The following EHHADH variants were observed in gnomAD, a reference collection of about 807,000 sequenced individuals.
EHHADH encodes the protein enoyl-CoA hydratase and 3-hydroxyacyl CoA dehydrogenase, also known as peroxisomal bifunctional enzyme.
In EHHADH, 48 loss-of-function variants were observed where a neutral mutation model predicts 64.4. The ratio of observed to expected loss-of-function variants is 0.75; its 90% CI spans 0.59 to 0.95. The LOEUF is 0.95. EHHADH is among the 40% of genes least tolerant of loss of function. EHHADH has a pLI of 0.00. For synonymous variants in EHHADH, 308 were observed against 326.7 expected, an observed-to-expected ratio of 0.94 and a Z score of 0.62; for missense variants, 854 against 876.6, an observed-to-expected ratio of 0.97 and a Z score of 0.33.
chr3:185,210,745 A>G (rs1214442123), intron 5 of EHHADH, among the ~76,000 whole-genome samples: 2 of 152,036 alleles, frequency 1.3e-5, no homozygotes, highest in Non-Finnish European at 2.9e-5. Flanking sequence ...AAGAGCAGAG[A>G]GTGTTGTCCG....
chr3:185,247,295 T>C (rs1719621359), intron 2 of EHHADH, among the ~76,000 whole-genome samples: 1 of 152,168 alleles, frequency 6.6e-6, no homozygotes, highest in African/African-American at 2.4e-5. Flanking sequence ...TTACATTCTC[T>C]CATCTACCTT....
At chr3:185,219,276 G>A (rs990617835) in intron 4 of EHHADH, among the ~76,000 whole-genome samples, 3 of 152,208 alleles carry the variant, frequency 2.0e-5, no homozygotes, top group Non-Finnish European at 4.4e-5. Context: ...AAAGGACACA[G>A]ATGATTAGAC....
chr3:185,204,861 T>C, intron 5 of EHHADH, 104 bp from the exon 6 acceptor site: 1 of 910,230 alleles, frequency 1.1e-6, no homozygotes, highest in Non-Finnish European at 1.6e-6. Context: ...AAGCACAAAC[T>C]AAAAGCTATT....
Position 185,229,511 on chromosome 3 carries a change from T to C in EHHADH, c.384A>G (p.Gly128=). Residue 128 remains glycine, a synonymous_variant, in exon 4 of 7, where the codon GGA becomes GGG. Coordinates refer to ENST00000231887, the MANE Select transcript of EHHADH (RefSeq NM_001966.4). The stretch of plus-strand genomic sequence containing the variant: ...GGGTTCCTCTTGCACCAGGGAGAAG[T>C]CCCAGTGTAACTTCTGGTAAGCCAA... The part of the protein sequence containing the change: ...AQVGLPEVTL[G]LLPGARGTQL... 1.3e-6 allele frequency: 2 copies of C among 1,574,114 alleles called. No homozygotes were observed. The highest frequency in any genetic ancestry group is 1.7e-5 in the Admixed American group (1 of 57,508).
At chr3:185,195,905 C>A (rs1718046692) in intron 6 of EHHADH, among the ~76,000 whole-genome samples, 1 of 152,208 alleles carries the variant, frequency 6.6e-6, no homozygotes, top group African/African-American at 2.4e-5. Context: ...CAAACCTGCA[C>A]ACGTACCCCC....
chr3:185,240,004 C>T lies in EHHADH; in HGVS notation c.179-4542G>A, dbSNP rs573076133. On this transcript the variant is annotated intron_variant, in intron 2 of 6. Transcript: ENST00000231887. The stretch of plus-strand genomic sequence containing the variant: ...ATCATGAAGGGATGTTGGATTTTAC[C>T]AAATGCTTTTTCTGCATCTATTGAG... Among the ~76,000 whole-genome samples the T allele has an allele frequency of 3.3e-5, 5 of 152,024 alleles. No homozygotes were observed. In the South Asian group the frequency reaches 1.0e-3, roughly 32 times the overall value.
rs1233092844 is a variant in EHHADH, at chr3:185,218,185, T to C, written c.519A>G (p.Val173=). ...TTGCTTCTTCAACCGGGTCTGAGTT[T>C]ACAACTTTATCTAGAATGCCCAGCT... The part of the protein sequence containing the change: ...ALKLGILDKV[V]NSDPVEEAIR... Residue 173 remains valine, a synonymous_variant, in exon 5 of 7, where the codon GTA becomes GTG. Transcript: ENST00000231887. 6.2e-7 allele frequency: 1 copy of C among 1,607,892 alleles called. No individual in the cohort carries two copies. Among genetic ancestry groups the C allele is most frequent in the African/African-American group, 1.4e-5 (1 of 73,378 alleles).
rs891613250 is a variant in EHHADH, at chr3:185,190,866, C to A, written c.*1360G>T. On this transcript the variant is annotated 3_prime_UTR_variant, in exon 7 of 7. Coordinates refer to ENST00000231887, the MANE Select transcript of EHHADH (RefSeq NM_001966.4). ...CACAGGTGAAAATATTGTGAAAGTTCATTTACACCACAATGAAGGATAACA... is the reference window on the plus strand; with the variant it reads ...CACAGGTGAAAATATTGTGAAAGTTAATTTACACCACAATGAAGGATAACA... The A allele has an allele frequency of 1.3e-5, 2 of 152,156 alleles. No homozygotes were observed. Among genetic ancestry groups the A allele is most frequent in the African/African-American group, 2.4e-5 (1 of 41,426 alleles). The allele number at this position is 152,156 out of a possible 1,614,324, so 9.4% of individuals were successfully genotyped here. A position where few individuals can be genotyped will look rare whatever the true frequency, so the allele number is the denominator to read the frequency against.
intron 6 of EHHADH, among the ~76,000 whole-genome samples, chr3:185,194,830 A>AAAAAAAAAAAAAC: frequency 6.9e-6 from 1 of 143,980 alleles, no homozygotes; most frequent in African/African-American, 2.7e-5. Context: ...AAAAAAAAAG[A>AAAAAAAAAAAAAC]AGCCTATAGT....
At chr3:185,246,910 G>A (rs1719611656) in intron 2 of EHHADH, among the ~76,000 whole-genome samples, 1 of 151,888 alleles carries the variant, frequency 6.6e-6, no homozygotes, top group Non-Finnish European at 1.5e-5. Flanking sequence ...TACTTTAGCT[G>A]CATCCCTCAA....
chr3:185,192,798 T>A lies in EHHADH; in HGVS notation c.1600A>T (p.Arg534Ter). 1 of 1,614,162 alleles carries A rather than the reference T, an allele frequency of 6.2e-7. No homozygotes were observed. ...LAGLDVGWKSRKGQGLTGPTL... is the reference protein window; with the variant it reads ...LAGLDVGWKS ...GGTCCAGTAAGACCTTGCCCCTTTC[T>A]AGATTTCCAGCCCACATCCAACCCA... Residue 534 changes from arginine to a stop codon, truncating the protein, a stop_gained, in exon 7 of 7, where the codon AGA becomes TGA. Coordinates refer to ENST00000231887, the MANE Select transcript of EHHADH (RefSeq NM_001966.4). LOFTEE classifies it high-confidence loss of function.
At chr3:185,200,032 G>A (rs191792408) in intron 6 of EHHADH, among the ~76,000 whole-genome samples, 7 of 152,332 alleles carry the variant, frequency 4.6e-5, no homozygotes, top group Admixed American at 3.3e-4. Flanking sequence ...CCTTATCATG[G>A]AGAATGGCAG....
At chr3:185,217,501 G>A (rs1418186685) in intron 5 of EHHADH, among the ~76,000 whole-genome samples, 3 of 145,604 alleles carry the variant, frequency 2.1e-5, no homozygotes, top group South Asian at 2.2e-4. Flanking sequence ...AGCCAAGATC[G>A]CGCCACTGCA....
intron 4 of EHHADH, among the ~76,000 whole-genome samples, chr3:185,228,118 C>T (rs1719039148): frequency 1.4e-5 from 2 of 144,038 alleles, no homozygotes; most frequent in African/African-American, 5.1e-5. Flanking sequence ...GTCTTACAAA[C>T]AAATATATGG....
chr3:185,228,257 A>AAAAAAAGATATAT (rs1367786172), intron 4 of EHHADH, among the ~76,000 whole-genome samples: 1 of 21,994 alleles, frequency 4.5e-5, no homozygotes, highest in Non-Finnish European at 1.1e-4. Context: ...AAAAAAAAAA[A>AAAAAAAGATATAT]ATATATATAT....
chr3:185,232,488 G>A (rs1719162958), intron 3 of EHHADH, among the ~76,000 whole-genome samples: 1 of 151,954 alleles, frequency 6.6e-6, no homozygotes, highest in Non-Finnish European at 1.5e-5. Flanking sequence ...AGCTCTTGTT[G>A]CCCAGGCTGG....
At chr3:185,222,209 C>T (rs536778787) in intron 4 of EHHADH, among the ~76,000 whole-genome samples, 1 of 151,936 alleles carries the variant, frequency 6.6e-6, no homozygotes, top group Non-Finnish European at 1.5e-5. Flanking sequence ...GTGCCCCCCG[C>T]CCCCTGTTTC....
intron 1 of EHHADH, among the ~76,000 whole-genome samples, chr3:185,252,055 AGGTGGTTGCATG>A (rs1445745587): frequency 6.6e-6 from 1 of 152,178 alleles, no homozygotes; most frequent in African/African-American, 2.4e-5. Flanking sequence ...GGGGTGGCAC[AGGTGGTTGCATG>A]GGTGGGCAAG....
At chr3:185,247,932 A>G (rs968492661) in intron 2 of EHHADH, 2 of 152,496 alleles carry the variant, frequency 1.3e-5, no homozygotes, top group East Asian at 1.9e-4. Context: ...GAATTCTATT[A>G]TAAGACTCTG....
Sources: allele counts gnomAD v4.1 joint callset (sites outside exome capture counted in the v4.1 genomes callset), GRCh38; gene constraint gnomAD v4.1.1; transcripts MANE v1.5; gene names NCBI Gene and HGNC (gene_info 2026-07-23, HGNC 2026-07-21).